NDST4: variants seen among roughly 807,000 people sequenced by gnomAD.
NDST4 encodes N-deacetylase and N-sulfotransferase 4.
In NDST4, 63 loss-of-function variants were observed where a neutral mutation model predicts 100.8. The observed-to-expected ratio is 0.62, with a 90% confidence interval of 0.51 to 0.77. The LOEUF (loss-of-function observed/expected upper bound fraction) is 0.77. Among genes scored for constraint, NDST4 ranks in the 30% least tolerant of loss-of-function variants. The probability of loss-of-function intolerance (pLI) is 0.00; values close to 1 mark genes in which losing one functional copy is unlikely to be tolerated. For missense variants in NDST4, 943 were observed against 1,018.4 expected (o/e 0.93, Z 1.01); for synonymous variants, 377 against 361.8 (o/e 1.04, Z -0.48).
chr4:114,960,857 A>G (rs990509420), intron 4 of NDST4, among the ~76,000 whole-genome samples: 1 of 152,168 alleles, frequency 6.6e-6, no homozygotes, highest in African/African-American at 2.4e-5. Flanking sequence ...TTTGTGTAGA[A>G]ACCTATAAAT....
intron 6 of NDST4, among the ~76,000 whole-genome samples, chr4:114,919,279 A>G (rs150366514): frequency 1.3e-5 from 2 of 152,284 alleles, no homozygotes; most frequent in Non-Finnish European, 1.5e-5. Context: ...AAGGTGGGGA[A>G]TGAAAGTAGG....
chr4:114,880,922 T>G (rs1724353153), intron 6 of NDST4, among the ~76,000 whole-genome samples: 1 of 151,970 alleles, frequency 6.6e-6, no homozygotes, highest in African/African-American at 2.4e-5. Context: ...TGGGTTGGAG[T>G]AGGAGCGGGG....
At chr4:114,893,407 T>C (rs1242211281) in intron 6 of NDST4, among the ~76,000 whole-genome samples, 1 of 152,196 alleles carries the variant, frequency 6.6e-6, no homozygotes, top group Non-Finnish European at 1.5e-5. Flanking sequence ...CCAGTGTCTA[T>C]TGTTTCCTGA....
intron 7 of NDST4, among the ~76,000 whole-genome samples, chr4:114,857,282 T>G (rs1365569827): frequency 1.3e-5 from 2 of 152,178 alleles, no homozygotes; most frequent in African/African-American, 4.8e-5. Context: ...TGTTTGTCAT[T>G]AGTCACTAAT....
intron 6 of NDST4, among the ~76,000 whole-genome samples, chr4:114,903,677 G>A (rs1724893011): frequency 6.6e-6 from 1 of 152,002 alleles, no homozygotes; most frequent in South Asian, 2.1e-4. Context: ...CTTTGTAATT[G>A]TTAGAATGGA....
At chr4:114,849,762 G>A (rs909097574) in intron 8 of NDST4, among the ~76,000 whole-genome samples, 11 of 151,924 alleles carry the variant, frequency 7.2e-5, no homozygotes, top group South Asian at 2.2e-4. Context: ...ATGTGAAATC[G>A]AATTATACAA....
intron 2 of NDST4, among the ~76,000 whole-genome samples, chr4:115,024,767 C>G (rs1727944124): frequency 6.6e-6 from 1 of 152,028 alleles, no homozygotes; most frequent in African/African-American, 2.4e-5. Flanking sequence ...TTTGAGAGGG[C>G]AGGGGTAGAA....
intron 6 of NDST4, among the ~76,000 whole-genome samples, chr4:114,923,962 A>T (rs193165411): frequency 1.3e-5 from 2 of 151,932 alleles, no homozygotes; most frequent in East Asian, 3.9e-4. Flanking sequence ...AATCTTACGG[A>T]TTTTTTCATG....
rs1560817087 is a variant in NDST4, at chr4:114,929,107, TCC to T, written c.1536+6097_1536+6098del. ...ATCCATCCATCCATCCATCCATCCA[TCC>T]ATCCATCTATCTATCTATCTATCTA... On this transcript the variant is annotated intron_variant, in intron 6 of 13. Coordinates refer to ENST00000264363, the MANE Select transcript of NDST4 (RefSeq NM_022569.3). Among the ~76,000 whole-genome samples, 230 of 122,166 alleles carry T rather than the reference TCC, an allele frequency of 1.9e-3. 2 individuals are homozygous for T. The highest frequency in any genetic ancestry group is 5.1e-3 in the African/African-American group (175 of 34,236). 80.1% of individuals were successfully genotyped at this position (122,166 alleles called of 152,430 possible).
At chr4:114,873,714 C>T (rs969817985) in intron 6 of NDST4, among the ~76,000 whole-genome samples, 4 of 152,050 alleles carry the variant, frequency 2.6e-5, no homozygotes, top group South Asian at 4.2e-4. Context: ...AATATGCATT[C>T]GATCCCAATA....
intron 2 of NDST4, among the ~76,000 whole-genome samples, chr4:115,031,819 A>G (rs1481805555): frequency 6.6e-6 from 1 of 152,034 alleles, no homozygotes; most frequent in Admixed American, 6.6e-5. Context: ...TCTGCCATCC[A>G]ACACCTACTC....
chr4:115,055,684 A>AT (rs1728679521), intron 2 of NDST4, among the ~76,000 whole-genome samples: 1 of 152,208 alleles, frequency 6.6e-6, no homozygotes, highest in African/African-American at 2.4e-5. Context: ...TTGAGTCTGT[A>AT]TTTTAAATCA....
chr4:115,101,041 GA>G (rs924794434), intron 1 of NDST4, among the ~76,000 whole-genome samples: 10 of 150,134 alleles, frequency 6.7e-5, no homozygotes, highest in South Asian at 4.2e-4. Flanking sequence ...GGATGTAGAG[GA>G]AAAAAAAATC....
At chr4:115,078,943 AAGG>A (rs1403248327) in intron 1 of NDST4, among the ~76,000 whole-genome samples, 1 of 152,130 alleles carries the variant, frequency 6.6e-6, no homozygotes. Flanking sequence ...CTGATATTTA[AAGG>A]AGAAGCAGAA....
At chr4:114,920,134 A>T (rs1725258689) in intron 6 of NDST4, among the ~76,000 whole-genome samples, 1 of 152,180 alleles carries the variant, frequency 6.6e-6, no homozygotes, top group Non-Finnish European at 1.5e-5. Context: ...ATTATGTATA[A>T]ATATATATTG....
At chr4:114,897,646 A>G (rs1470086864) in intron 6 of NDST4, among the ~76,000 whole-genome samples, 3 of 152,194 alleles carry the variant, frequency 2.0e-5, no homozygotes, top group African/African-American at 7.2e-5. Context: ...TTCATAAGAA[A>G]CAAATACACT....
At chr4:114,999,270 T>G in intron 2 of NDST4, among the ~76,000 whole-genome samples, 1 of 152,074 alleles carries the variant, frequency 6.6e-6, no homozygotes, top group East Asian at 1.9e-4. Context: ...CAGTCTTGCT[T>G]CTGAGTCCTT....
intron 2 of NDST4, among the ~76,000 whole-genome samples, chr4:115,066,585 T>A (rs530306): frequency 2.6e-5 from 4 of 152,178 alleles, no homozygotes; most frequent in Admixed American, 6.5e-5. Context: ...TTCTACTTAC[T>A]AAAACAATTT....
At chr4:114,856,252 T>C (rs559994562) in intron 7 of NDST4, among the ~76,000 whole-genome samples, 83 of 152,154 alleles carry the variant, frequency 5.5e-4, no homozygotes, top group African/African-American at 2.0e-3. Context: ...TTGGTAGAGA[T>C]GGGGTTTTGC....
Sources: gnomAD v4.1 joint callset for allele counts (sites outside exome capture counted in the v4.1 genomes callset) on GRCh38, gnomAD v4.1.1 for gene constraint, MANE v1.5 for transcripts, NCBI Gene and HGNC (gene_info 2026-07-23, HGNC 2026-07-21) for gene names.